CEP170: variants seen among roughly 807,000 people sequenced by gnomAD.
CEP170 encodes centrosomal protein of 170 kDa.
Under a neutral mutation model 151.9 loss-of-function variants are expected in CEP170, and 21 were observed. The ratio of observed to expected loss-of-function variants is 0.14; its 90% confidence interval spans 0.10 to 0.20. CEP170 has a LOEUF of 0.20. CEP170 is among the 10% of genes least tolerant of loss of function. CEP170 has a pLI of 1.00. For synonymous variants in CEP170, 356 were observed against 648.8 expected, an observed-to-expected ratio of 0.55 and a Z score of 6.86; for missense variants, 964 against 1,892.9, an observed-to-expected ratio of 0.51 and a Z score of 9.11.
At chr1:243,169,787 C>G (rs753509257) in intron 11 of CEP170, 33 bp from the exon 12 acceptor site, 1 of 1,580,410 alleles carries the variant, frequency 6.3e-7, no homozygotes, top group Admixed American at 2.0e-5. Flanking sequence ...CAAAATCATG[C>G]AGCCTGGTCA....
At chr1:243,133,661 G>T (rs1263087710) in intron 17 of CEP170, among the ~76,000 whole-genome samples, 2 of 152,090 alleles carry the variant, frequency 1.3e-5, no homozygotes, top group African/African-American at 4.8e-5. Flanking sequence ...TTACCCCAGG[G>T]AATGGTGGAC....
chr1:243,196,007 G>A (rs1199771069), intron 7 of CEP170, among the ~76,000 whole-genome samples: 6 of 152,130 alleles, frequency 3.9e-5, no homozygotes, highest in African/African-American at 1.2e-4. Flanking sequence ...ATCATGAGAC[G>A]GCTTTTGGTC....
intron 14 of CEP170, among the ~76,000 whole-genome samples, chr1:243,153,249 G>C (rs2057273551): frequency 1.3e-5 from 2 of 152,220 alleles, no homozygotes; most frequent in Admixed American, 1.3e-4. Flanking sequence ...GTGGTATCTT[G>C]CAATAGAATC....
At chr1:243,181,003 G>T (rs1315840173) in intron 10 of CEP170, among the ~76,000 whole-genome samples, 1 of 152,166 alleles carries the variant, frequency 6.6e-6, no homozygotes, top group Non-Finnish European at 1.5e-5. Flanking sequence ...TTTATGAGGA[G>T]AAATATTTCT....
chr1:243,211,513 T>G (rs12072595), intron 4 of CEP170: 54,338 of 171,774 alleles, frequency 0.32, 9,191 homozygotes, highest in South Asian at 0.49. Flanking sequence ...GGAGGCTGAT[T>G]CATGCATCAT....
At chr1:243,193,535 G>A (rs1387983380) in intron 7 of CEP170, among the ~76,000 whole-genome samples, 1 of 151,982 alleles carries the variant, frequency 6.6e-6, no homozygotes, top group Non-Finnish European at 1.5e-5. Flanking sequence ...AAAAAAGCTG[G>A]CCAGGGATAT....
intron 3 of CEP170, among the ~76,000 whole-genome samples, chr1:243,218,410 G>A (rs2062500406): frequency 6.6e-6 from 1 of 152,204 alleles, no homozygotes; most frequent in South Asian, 2.1e-4. Context: ...AGGCAAACAG[G>A]GGTTCCCAAA....
At chr1:243,130,003 T>C (rs912217077) in intron 17 of CEP170, among the ~76,000 whole-genome samples, 20 of 152,310 alleles carry the variant, frequency 1.3e-4, no homozygotes, top group African/African-American at 4.1e-4. Flanking sequence ...CATAGGCATG[T>C]ATGTGTAGGA....
intron 10 of CEP170, among the ~76,000 whole-genome samples, chr1:243,175,649 G>T (rs532997316): frequency 2.0e-4 from 30 of 152,256 alleles, no homozygotes; most frequent in Admixed American, 1.0e-3. Context: ...TCAAAACCAA[G>T]ACCAAGTATG....
rs1307139360 is a variant in CEP170 at position 243,154,111 on chromosome 1, T to G, written c.3911+2110A>C. Among the ~76,000 whole-genome samples the G allele has an allele frequency of 3.3e-5, 5 of 152,222 alleles. No individual in the cohort carries two copies. In the East Asian group the frequency reaches 9.6e-4, roughly 29 times the overall value. On this transcript the variant is annotated intron_variant, in intron 14 of 19. Coordinates refer to ENST00000366542, the MANE Select transcript of CEP170 (RefSeq NM_014812.3). ...TGGAGCTTGCTTTTGTGCTTTAAAT[T>G]TAAATGCAGGTAAACAGTTACTATG...
chr1:243,226,984 C>T (rs1050000396), intron 1 of CEP170, among the ~76,000 whole-genome samples: 2 of 151,856 alleles, frequency 1.3e-5, no homozygotes, highest in South Asian at 2.1e-4. Flanking sequence ...AGTGAAACTC[C>T]GTCTCAAAAA....
intron 10 of CEP170, among the ~76,000 whole-genome samples, chr1:243,180,398 G>C (rs1447898529): frequency 2.0e-5 from 3 of 152,200 alleles, no homozygotes; most frequent in Non-Finnish European, 4.4e-5. Context: ...GGTTAAGAAG[G>C]GTTGAGGAGA....
At chr1:243,144,711 T>C (rs1424877737) in intron 14 of CEP170, among the ~76,000 whole-genome samples, 1 of 152,186 alleles carries the variant, frequency 6.6e-6, no homozygotes, top group Non-Finnish European at 1.5e-5. Flanking sequence ...ACATGTGATA[T>C]AGTAAAATAT....
intron 14 of CEP170, among the ~76,000 whole-genome samples, chr1:243,151,271 C>T (rs1404521040): frequency 6.7e-6 from 1 of 149,698 alleles, no homozygotes; most frequent in Non-Finnish European, 1.5e-5. Context: ...TTCCCTACTC[C>T]CACTAATCTC....
chr1:243,146,581 C>T (rs1300840271), intron 14 of CEP170, among the ~76,000 whole-genome samples: 1 of 151,722 alleles, frequency 6.6e-6, no homozygotes, highest in Admixed American at 6.6e-5. Context: ...TTGTATTTTT[C>T]CTTCTAAGTG....
At chr1:243,210,656 C>T (rs1174074035) in intron 4 of CEP170, among the ~76,000 whole-genome samples, 1 of 101,568 alleles carries the variant, frequency 9.8e-6, no homozygotes, top group Non-Finnish European at 1.8e-5. Context: ...CTCTCTGTTG[C>T]CAGGCTACAG....
intron 1 of CEP170, among the ~76,000 whole-genome samples, chr1:243,239,384 CT>C (rs1478211737): frequency 2.6e-5 from 4 of 152,282 alleles, no homozygotes; most frequent in African/African-American, 9.6e-5. Context: ...CAATAAATTA[CT>C]GCAGAACTCT....
At chr1:243,255,501 G>A (rs1461840416), upstream of CEP170, among the ~76,000 whole-genome samples, 1 of 152,222 alleles carries the variant, frequency 6.6e-6, no homozygotes, top group Non-Finnish European at 1.5e-5. Flanking sequence ...AGTTCCCAGC[G>A]GGCAGAGCGC....
At chr1:243,192,646 C>G (rs1371275881) in intron 7 of CEP170, among the ~76,000 whole-genome samples, 3 of 152,168 alleles carry the variant, frequency 2.0e-5, no homozygotes, top group Non-Finnish European at 4.4e-5. Context: ...TAGGTTGTTT[C>G]CAAACATTTT....
Sources: allele counts gnomAD v4.1 joint callset (sites outside exome capture counted in the v4.1 genomes callset), GRCh38; gene constraint gnomAD v4.1.1; transcripts MANE v1.5; gene names NCBI Gene and HGNC (gene_info 2026-07-23, HGNC 2026-07-21).